The following DDX10 variants were observed in gnomAD, a reference collection of about 807,000 sequenced individuals.
DDX10 encodes DEAD-box helicase 10.
In DDX10, 74 loss-of-function variants were observed where a neutral mutation model predicts 104.3. The ratio of observed to expected loss-of-function variants is 0.71; its 90% confidence interval spans 0.59 to 0.86. The LOEUF (loss-of-function observed/expected upper bound fraction) is 0.86, where lower values mean the gene tolerates loss of function less well. Ranked by LOEUF, DDX10 falls within the 40% of genes least tolerant of loss-of-function variation. The pLI is 0.00. For synonymous variants in DDX10, 351 were observed against 353.4 expected, an observed-to-expected ratio of 0.99 and a Z score of 0.08; for missense variants, 952 against 1,040.0, an observed-to-expected ratio of 0.92 and a Z score of 1.16.
At chr11:108,828,982 C>T (rs1313718345) in intron 13 of DDX10, among the ~76,000 whole-genome samples, 1 of 152,184 alleles carries the variant, frequency 6.6e-6, no homozygotes, top group Admixed American at 6.5e-5. Flanking sequence ...TTTCTTTATC[C>T]ACTCATTGAT....
Position 108,665,264 on chromosome 11 carries a change from G to C in DDX10, c.111G>C (p.Leu37Phe), listed in dbSNP as rs577453516. 5.6e-6 allele frequency: 9 copies of C among 1,610,824 alleles called. No individual in the cohort carries two copies. Among genetic ancestry groups the C allele is most frequent in the Admixed American group, 3.4e-5 (2 of 59,366 alleles). ...ATAGGCAGAACAAAAAGAAGCAGTTGAGGAAGCAACTGAAGAAACCCGAAT... is the reference window on the plus strand; with the variant it reads ...ATAGGCAGAACAAAAAGAAGCAGTTCAGGAAGCAACTGAAGAAACCCGAAT... ...HSHRQNKKKQ[L>F]RKQLKKPEWQ... Residue 37 changes from leucine (L) to phenylalanine (F), a missense_variant, in exon 1 of 18, where the codon TTG becomes TTC. Physicochemically the swap from Leu to Phe is conservative, Grantham distance 22. Transcript: ENST00000322536.
intron 10 of DDX10, among the ~76,000 whole-genome samples, chr11:108,711,172 C>CT (rs2134465429): frequency 6.6e-6 from 1 of 152,354 alleles, no homozygotes; most frequent in Non-Finnish European, 1.5e-5. Context: ...AAATTTCCCT[C>CT]TAAGTACTGC....
intron 17 of DDX10, among the ~76,000 whole-genome samples, chr11:108,927,317 A>G (rs1229095039): frequency 6.6e-6 from 1 of 152,234 alleles, no homozygotes; most frequent in African/African-American, 2.4e-5. Flanking sequence ...ACAAACTTGC[A>G]CACCCCTAAT....
chr11:108,741,321 AT>A (rs951067187), intron 13 of DDX10, among the ~76,000 whole-genome samples: 2 of 151,486 alleles, frequency 1.3e-5, no homozygotes, highest in African/African-American at 4.9e-5. Flanking sequence ...TTTTAAAGTC[AT>A]TTTTTTTCTA....
At chr11:108,792,666 G>A (rs746412727) in intron 13 of DDX10, among the ~76,000 whole-genome samples, 6 of 151,964 alleles carry the variant, frequency 3.9e-5, no homozygotes, top group Admixed American at 3.3e-4. Context: ...TTTATAATCA[G>A]TCTTGAAATC....
intron 10 of DDX10, among the ~76,000 whole-genome samples, chr11:108,712,781 T>G (rs976099012): frequency 1.4e-4 from 22 of 152,110 alleles, no homozygotes; most frequent in Admixed American, 1.4e-3. Context: ...TCCTTTGTTA[T>G]GAAGATCTGA....
intron 16 of DDX10, among the ~76,000 whole-genome samples, chr11:108,852,752 A>G (rs952039392): frequency 3.9e-5 from 6 of 152,180 alleles, no homozygotes; most frequent in Non-Finnish European, 5.9e-5. Flanking sequence ...ACAATTATAA[A>G]CACTGTCCAT....
intron 13 of DDX10, among the ~76,000 whole-genome samples, chr11:108,831,583 TG>T (rs1398025717): frequency 6.6e-6 from 1 of 152,116 alleles, no homozygotes; most frequent in Non-Finnish European, 1.5e-5. Context: ...AATTATTAGT[TG>T]GCCCAAATGG....
rs573147206 is a variant in DDX10 at position 108,854,747 on chromosome 11, G to A, written c.2304+2538G>A. Among the ~76,000 whole-genome samples, 5 of 151,964 alleles carry A rather than the reference G, an allele frequency of 3.3e-5. No individual in the cohort carries two copies. The South Asian group carries it at 8.3e-4, about 25-fold the overall frequency. On this transcript the variant is annotated intron_variant, in intron 16 of 17. Transcript: ENST00000322536. ...CACAGTATTTTTTTTTTAATTTTGG[G>A]GAAAGTGCTTGAATGAAGTTTCATG...
rs531884683 is a variant in DDX10, at chr11:108,667,651, T to C, written c.186+2312T>C. Among the ~76,000 whole-genome samples, 3 of 152,234 alleles carry C rather than the reference T, an allele frequency of 2.0e-5. No individual in the cohort carries two copies. The East Asian group carries it at 5.8e-4, about 29-fold the overall frequency. ...CCAAGTGGTACATGATAGGCATATA[T>C]GAAGGAACAGCTTGCAGTTTTGTGA... On this transcript the variant is annotated intron_variant, in intron 1 of 17. Coordinates refer to ENST00000322536, the MANE Select transcript of DDX10 (RefSeq NM_004398.4).
chr11:108,884,201 T>A (rs970439253), intron 16 of DDX10, among the ~76,000 whole-genome samples: 1 of 152,182 alleles, frequency 6.6e-6, no homozygotes, highest in South Asian at 2.1e-4. Context: ...TATTTACATA[T>A]CTTCATCCTG....
intron 16 of DDX10, among the ~76,000 whole-genome samples, chr11:108,882,634 A>G (rs1050753797): frequency 2.6e-5 from 4 of 152,228 alleles, no homozygotes; most frequent in African/African-American, 4.8e-5. Context: ...TTAAGTTGTT[A>G]TATGTAAATA....
chr11:108,736,552 G>A (rs1182758014), intron 13 of DDX10, among the ~76,000 whole-genome samples: 1 of 152,090 alleles, frequency 6.6e-6, no homozygotes, highest in African/African-American at 2.4e-5. Context: ...GTTGTCAGTG[G>A]AATAGTATTA....
chr11:108,667,367 A>G (rs2094211438), intron 1 of DDX10, among the ~76,000 whole-genome samples: 1 of 152,226 alleles, frequency 6.6e-6, no homozygotes, highest in African/African-American at 2.4e-5. Context: ...TGAAGATCTA[A>G]TCATTTTACT....
At position 108,937,296 on chromosome 11, in the gene DDX10, T is replaced by C. The variant is rs1864048685; in HGVS notation, c.2451-2950T>C. Among the ~76,000 whole-genome samples the C allele has an allele frequency of 1.3e-5, 2 of 152,180 alleles. 1 individual carries two copies. Among genetic ancestry groups the C allele is most frequent in the South Asian group, 4.1e-4 (2 of 4,832 alleles). On this transcript the variant is annotated intron_variant, in intron 17 of 17. Coordinates refer to ENST00000322536, the MANE Select transcript of DDX10 (RefSeq NM_004398.4). ...CTTTTGTTTCTCGTGAAATTAACACTGTTATTCTGGGGTGATGGTGTAACT... is the reference window on the plus strand; with the variant it reads ...CTTTTGTTTCTCGTGAAATTAACACCGTTATTCTGGGGTGATGGTGTAACT...
rs543430592 is a variant in DDX10, at chr11:108,722,917, T to C, written c.1500-80T>C. 1.9e-4 allele frequency: 273 copies of C among 1,474,746 alleles called. 1 individual carries two copies. The highest frequency in any genetic ancestry group is 2.4e-4 in the Admixed American group (9 of 37,078). The allele number at this position is 1,474,746 out of a possible 1,614,324, so 91.4% of individuals were successfully genotyped here. A position where few individuals can be genotyped will look rare whatever the true frequency, so the allele number is the denominator to read the frequency against. On this transcript the variant is annotated intron_variant, in intron 12 of 17. Transcript: ENST00000322536. Reference sequence around the variant, plus strand: ...TTAAAAAAGCTCTAGGAATCTCTGCTCTTGAGAAACTCTTCTATGACACCT... The same window carrying C: ...TTAAAAAAGCTCTAGGAATCTCTGCCCTTGAGAAACTCTTCTATGACACCT...
chr11:108,866,972 G>A lies in DDX10; in HGVS notation c.2304+14763G>A, dbSNP rs116710311. On this transcript the variant is annotated intron_variant, in intron 16 of 17. Coordinates refer to ENST00000322536, the MANE Select transcript of DDX10 (RefSeq NM_004398.4). ...TTTTTGACTTGTAGGATTCACAAAA[G>A]AAAGCATCCCGGGGAGGGCATTTGA... Among the ~76,000 whole-genome samples the A allele has an allele frequency of 8.1e-3, 1,226 of 152,268 alleles. 16 individuals carry two copies. Among genetic ancestry groups the A allele is most frequent in the African/African-American group, 0.028 (1,171 of 41,560 alleles).
At chr11:108,775,624 AATTTAGATAT>A (rs1429029805) in intron 13 of DDX10, among the ~76,000 whole-genome samples, 1 of 152,200 alleles carries the variant, frequency 6.6e-6, no homozygotes, top group African/African-American at 2.4e-5. Context: ...TACTATTTAA[AATTTAGATAT>A]AGCTATGATA....
At chr11:108,701,700 T>TG (rs1565251814) in intron 9 of DDX10, among the ~76,000 whole-genome samples, 45 of 119,148 alleles carry the variant, frequency 3.8e-4, no homozygotes, top group Middle Eastern at 4.2e-3. Context: ...TTTTTTTTTT[T>TG]GTGACTGAGT....
Sources: gnomAD v4.1 joint callset for allele counts (sites outside exome capture counted in the v4.1 genomes callset) on GRCh38, gnomAD v4.1.1 for gene constraint, MANE v1.5 for transcripts, NCBI Gene and HGNC (gene_info 2026-07-23, HGNC 2026-07-21) for gene names.